PLXDC1: variants seen among roughly 807,000 people sequenced by gnomAD.
PLXDC1 encodes plexin domain containing 1, also known as plexin domain-containing protein 1.
A neutral mutation model predicts 61.3 loss-of-function variants in PLXDC1; 39 were observed. The ratio of observed to expected loss-of-function variants is 0.64; its 90% confidence interval spans 0.49 to 0.83. PLXDC1 has a LOEUF of 0.83. PLXDC1 is among the 40% of genes least tolerant of loss of function. PLXDC1 has a pLI of 0.00. For missense variants in PLXDC1, 596 were observed against 666.5 expected, an observed-to-expected ratio of 0.89 and a Z score of 1.17; for synonymous variants, 212 against 254.5, an observed-to-expected ratio of 0.83 and a Z score of 1.59.
At chr17:39,134,391 C>T (rs918171222) in intron 2 of PLXDC1, among the ~76,000 whole-genome samples, 5 of 151,776 alleles carry the variant, frequency 3.3e-5, no homozygotes, top group African/African-American at 4.8e-5. Flanking sequence ...TTTGGGAGGC[C>T]GAAGCGGGTG....
chr17:39,096,966 T>C (rs1205672503), intron 7 of PLXDC1: 2 of 471,234 alleles, frequency 4.2e-6, no homozygotes, highest in Non-Finnish European at 8.8e-6. Flanking sequence ...CAGACTCTGC[T>C]GAAAAGCCTG....
intron 2 of PLXDC1, among the ~76,000 whole-genome samples, chr17:39,134,253 C>CA (rs1192603968): frequency 5.6e-4 from 72 of 128,438 alleles, no homozygotes; most frequent in East Asian, 1.1e-3. Context: ...GACTCCGTCT[C>CA]AAAAAAAAAA....
intron 8 of PLXDC1, 96 bp from the exon 9 acceptor site, chr17:39,083,636 G>T: frequency 2.1e-6 from 2 of 946,838 alleles, no homozygotes; most frequent in Non-Finnish European, 3.4e-6. Context: ...GAACTATGGA[G>T]CCCCTGACTT....
chr17:39,075,985 G>A (rs1460846845), intron 11 of PLXDC1, among the ~76,000 whole-genome samples: 1 of 152,000 alleles, frequency 6.6e-6, no homozygotes, highest in Middle Eastern at 3.4e-3. Context: ...GGCTGAGGTG[G>A]GAGAATTGCT....
At chr17:39,096,213 G>A (rs548433444) in intron 7 of PLXDC1, among the ~76,000 whole-genome samples, 2 of 152,304 alleles carry the variant, frequency 1.3e-5, no homozygotes, top group Non-Finnish European at 2.9e-5. Flanking sequence ...CACGAGTGGA[G>A]CCCCAGCAGG....
chr17:39,100,229 G>A (rs1487585323), intron 7 of PLXDC1, among the ~76,000 whole-genome samples: 1 of 152,014 alleles, frequency 6.6e-6, no homozygotes, highest in East Asian at 1.9e-4. Flanking sequence ...TGTGACCCTG[G>A]CTAACACTTT....
intron 10 of PLXDC1, 122 bp downstream of exon 10, chr17:39,078,982 G>A: frequency 3.9e-6 from 3 of 763,260 alleles, no homozygotes; most frequent in Non-Finnish European, 4.5e-6. Flanking sequence ...TAGATGGAAG[G>A]GAGGATATTG....
chr17:39,088,999 G>A (rs1909853158), intron 7 of PLXDC1, among the ~76,000 whole-genome samples: 5 of 127,744 alleles, frequency 3.9e-5, no homozygotes, highest in South Asian at 2.6e-4. Context: ...GAAAGAAAGA[G>A]AAAAAGAATA....
At chr17:39,101,148 C>T (rs938222851) in intron 7 of PLXDC1, among the ~76,000 whole-genome samples, 1 of 152,202 alleles carries the variant, frequency 6.6e-6, no homozygotes, top group African/African-American at 2.4e-5. Flanking sequence ...CTGCTCCATA[C>T]ACATATGGCA....
In PLXDC1 at chr17:39,109,379, T is replaced by C; in HGVS notation, c.268A>G (p.Ser90Gly). ...NRTRVVEDNH[S>G]YYVSRLYGPS... ...CCATAGAGACGGGACACATAATAGC[T>C]GTGGTTGTCCTCCTGCCGGCACCCA... The change falls in exon 3 of 14, where the codon AGC becomes GGC. Residue 90 changes from serine to glycine, a missense_variant. Coordinates refer to ENST00000315392, the MANE Select transcript of PLXDC1 (RefSeq NM_020405.5). The C allele has an allele frequency of 1.3e-6, 2 of 1,594,768 alleles. No homozygotes were observed. The highest frequency in any genetic ancestry group is 1.8e-5 in the Admixed American group (1 of 55,714).
At chr17:39,078,171 G>T in intron 10 of PLXDC1, 123 bp from the exon 11 acceptor site, 13 of 924,890 alleles carry the variant, frequency 1.4e-5, no homozygotes, top group Non-Finnish European at 2.1e-5. Flanking sequence ...CAAGGAAGGG[G>T]CTGAGATGCC....
chr17:39,077,057 G>A (rs1262729855), intron 11 of PLXDC1, among the ~76,000 whole-genome samples: 3 of 151,940 alleles, frequency 2.0e-5, no homozygotes, highest in Non-Finnish European at 4.4e-5. Flanking sequence ...TAGTGGAGAC[G>A]GGGTTTCACC....
At chr17:39,109,179 A>C in intron 3 of PLXDC1, 69 bp downstream of exon 3, 1 of 1,542,884 alleles carries the variant, frequency 6.5e-7, no homozygotes, top group East Asian at 2.3e-5. Context: ...ATGCCCACTG[A>C]CCAGGCAGGG....
At position 39,069,838 on chromosome 17, in the gene PLXDC1, G is replaced by A; in HGVS notation, c.1383+18C>T. 6.2e-7 allele frequency: 1 copy of A among 1,607,316 alleles called. No individual in the cohort carries two copies. The highest frequency in any genetic ancestry group is 8.5e-7 in the Non-Finnish European group (1 of 1,174,436). Reference sequence around the variant, plus strand: ...CGCAGAAGCAGACAGGAGCCCTGTGGCCACAGATGACACGGACCTCGATGA... The same window carrying A: ...CGCAGAAGCAGACAGGAGCCCTGTGACCACAGATGACACGGACCTCGATGA... On this transcript the variant is annotated intron_variant, in intron 13 of 13. Transcript: ENST00000315392.
intron 7 of PLXDC1, among the ~76,000 whole-genome samples, chr17:39,089,590 G>T (rs1338434265): frequency 6.6e-6 from 1 of 152,156 alleles, no homozygotes; most frequent in Non-Finnish European, 1.5e-5. Context: ...TTTGAATTGG[G>T]TTTTCGTCAC....
Position 39,151,092 on chromosome 17 carries a change from G to C in PLXDC1, c.76+270C>G, listed in dbSNP as rs568145473. On this transcript the variant is annotated intron_variant, in intron 1 of 13. Coordinates refer to ENST00000315392, the MANE Select transcript of PLXDC1 (RefSeq NM_020405.5). This position sits in a 1 kb window ranked among gnomAD's most constrained non-coding sequence, Gnocchi z 5.2. ...CCCTTTCAGAGCCCATGGCCACATA[G>C]AGCCCCCTCTCCTAAGGTCCCTCCA... 6.6e-6 allele frequency among the ~76,000 whole-genome samples: 1 copy of C among 152,156 alleles called. No homozygotes were observed. The highest frequency in any genetic ancestry group is 1.5e-5 in the Non-Finnish European group (1 of 68,008).
rs781303662 is a variant in PLXDC1 at position 39,122,397 on chromosome 17, AAAAAAAAG to A, written c.256-13014_256-13007del. ...CTGTCTCAAAAAAAAAAAAAAAAAA[AAAAAAAAG>A]ACTGGGGTGCCCTCTCTCTGCCTGG... On this transcript the variant is annotated intron_variant, in intron 2 of 13. Transcript: ENST00000315392. Among the ~76,000 whole-genome samples the A allele has an allele frequency of 1.9e-3, 285 of 150,740 alleles. 7 individuals are homozygous for A. In the East Asian group the frequency reaches 0.031, roughly 16 times the overall value.
At chr17:39,101,304 C>T (rs961214415) in intron 7 of PLXDC1, among the ~76,000 whole-genome samples, 2 of 152,224 alleles carry the variant, frequency 1.3e-5, no homozygotes, top group African/African-American at 4.8e-5. Context: ...ACACGTATCA[C>T]GTATCGAGTA....
chr17:39,089,982 A>G (rs1466744345), intron 7 of PLXDC1, among the ~76,000 whole-genome samples: 2 of 152,056 alleles, frequency 1.3e-5, no homozygotes, highest in Non-Finnish European at 1.5e-5. Context: ...TATTTTTGGT[A>G]GAGAGGGGGT....
Sources: gnomAD v4.1 joint callset for allele counts (sites outside exome capture counted in the v4.1 genomes callset) on GRCh38, gnomAD v4.1.1 for gene constraint, Gnocchi (gnomAD v3.1) non-coding constraint, MANE v1.5 for transcripts, NCBI Gene and HGNC (gene_info 2026-07-23, HGNC 2026-07-21) for gene names.